Variants in PFDN2 observed in about 807,000 individuals in gnomAD.
The protein encoded by PFDN2 is prefoldin 2.
Under a neutral mutation model 18.3 loss-of-function variants are expected in PFDN2, and 7 were observed. That is an observed-to-expected ratio of 0.38 (90% CI 0.22 to 0.72). The LOEUF (loss-of-function observed/expected upper bound fraction) is 0.72, where lower values mean the gene tolerates loss of function less well. Among genes scored for constraint, PFDN2 ranks in the 30% least tolerant of loss-of-function variants. The pLI, the probability that PFDN2 is intolerant of heterozygous loss-of-function variation, is 0.47. For synonymous variants in PFDN2, 76 were observed against 75.0 expected (o/e 1.01, Z -0.07); for missense variants, 181 against 199.1 (o/e 0.91, Z 0.55).
intron 1 of PFDN2, among the ~76,000 whole-genome samples, chr1:161,107,487 C>T (rs1288642581): frequency 6.6e-6 from 1 of 150,496 alleles, no homozygotes; most frequent in Non-Finnish European, 1.5e-5. Flanking sequence ...AGGTTGTTTC[C>T]AATTTTTCTG....
intron 1 of PFDN2, among the ~76,000 whole-genome samples, chr1:161,109,063 G>GA (rs1654746206): frequency 6.6e-6 from 1 of 152,052 alleles, no homozygotes; most frequent in Admixed American, 6.6e-5. Context: ...GATAAAATCT[G>GA]AACTCCTCAA....
chr1:161,103,050 AATGAGTAACTTT>A (rs1276270067), intron 1 of PFDN2, among the ~76,000 whole-genome samples: 2 of 151,712 alleles, frequency 1.3e-5, no homozygotes, highest in Non-Finnish European at 2.9e-5. Flanking sequence ...AGGGCTTTGT[AATGAGTAACTTT>A]TGTTTGGGTC....
intron 1 of PFDN2, among the ~76,000 whole-genome samples, chr1:161,106,847 C>T (rs1654686880): frequency 6.6e-6 from 1 of 152,144 alleles, no homozygotes; most frequent in African/African-American, 2.4e-5. Context: ...ACTCTGTTCC[C>T]TAGGCTGGGG....
At position 161,117,943 on chromosome 1, in the gene PFDN2, A is replaced by G. The variant is rs1320708278; in HGVS notation, c.75+9T>C. 6 of 1,606,080 alleles carry G rather than the reference A, an allele frequency of 3.7e-6. No homozygotes were observed. The highest frequency in any genetic ancestry group is 5.1e-6 in the Non-Finnish European group (6 of 1,175,994). ...GTGGGTACCCTGCTTCGCGTTAGCC[A>G]CTCCTCACCTGCTCTGCGGACACCG... is the stretch of plus-strand genomic sequence containing the variant. On this transcript the variant is annotated intron_variant, in intron 1 of 3. Transcript: ENST00000368010.
intron 1 of PFDN2, among the ~76,000 whole-genome samples, chr1:161,112,149 A>C (rs951324474): frequency 1.3e-5 from 2 of 152,222 alleles, no homozygotes; most frequent in Non-Finnish European, 2.9e-5. Context: ...AGTATTAATT[A>C]CTTCTTTTCT....
intron 1 of PFDN2, among the ~76,000 whole-genome samples, chr1:161,114,927 T>C (rs966385133): frequency 6.6e-6 from 1 of 152,240 alleles, no homozygotes; most frequent in Non-Finnish European, 1.5e-5. Context: ...ATTGTTTGGT[T>C]TGTCTTTTCT....
chr1:161,102,396 A>C, intron 1 of PFDN2, 21 bp from the exon 2 acceptor site: 1 of 1,592,400 alleles, frequency 6.3e-7, no homozygotes, highest in Non-Finnish European at 8.6e-7. Flanking sequence ...GAGAGAAGAG[A>C]TGAAAGAGGG....
chr1:161,115,736 G>C (rs1316032675), intron 1 of PFDN2, among the ~76,000 whole-genome samples: 1 of 152,152 alleles, frequency 6.6e-6, no homozygotes, highest in Non-Finnish European at 1.5e-5. Flanking sequence ...TGTCATAACT[G>C]TTCTATTAGT....
At chr1:161,115,630 G>A (rs1008332909) in intron 1 of PFDN2, among the ~76,000 whole-genome samples, 1 of 152,160 alleles carries the variant, frequency 6.6e-6, no homozygotes, top group African/African-American at 2.4e-5. Flanking sequence ...CATCAGGAAG[G>A]CAGTTTATCA....
At chr1:161,116,951 T>C (rs910042187) in intron 1 of PFDN2, among the ~76,000 whole-genome samples, 1 of 152,192 alleles carries the variant, frequency 6.6e-6, no homozygotes, top group Non-Finnish European at 1.5e-5. Context: ...AAGACAGCTG[T>C]AGGCCGGGAG....
chr1:161,109,484 G>C (rs938808727), intron 1 of PFDN2, among the ~76,000 whole-genome samples: 15 of 152,134 alleles, frequency 9.9e-5, no homozygotes, highest in African/African-American at 3.6e-4. Flanking sequence ...TTGTAAATAT[G>C]CAAATGCAAC....
At chr1:161,113,398 C>G (rs2101706985) in intron 1 of PFDN2, among the ~76,000 whole-genome samples, 1 of 152,298 alleles carries the variant, frequency 6.6e-6, no homozygotes, top group Non-Finnish European at 1.5e-5. Flanking sequence ...TGACCTTGGG[C>G]AAGTTAACTA....
At chr1:161,104,749 G>A (rs868296764) in intron 1 of PFDN2, among the ~76,000 whole-genome samples, 13 of 152,020 alleles carry the variant, frequency 8.6e-5, no homozygotes, top group Middle Eastern at 3.4e-3. Context: ...GCTCTAGTTC[G>A]CCTTCTGCAA....
At chr1:161,116,097 T>C (rs951931070) in intron 1 of PFDN2, among the ~76,000 whole-genome samples, 2 of 152,166 alleles carry the variant, frequency 1.3e-5, no homozygotes, top group Non-Finnish European at 2.9e-5. Flanking sequence ...TCAAATGGCT[T>C]ATGCCTATAG....
chr1:161,104,570 A>C (rs2101700590), intron 1 of PFDN2, among the ~76,000 whole-genome samples: 1 of 151,552 alleles, frequency 6.6e-6, no homozygotes, highest in East Asian at 1.9e-4. Context: ...TCAACCTCCC[A>C]AACAGCTGGG....
chr1:161,114,407 C>T lies in PFDN2; in HGVS notation c.75+3545G>A, dbSNP rs187913507. On this transcript the variant is annotated intron_variant, in intron 1 of 3. Coordinates refer to ENST00000368010, the MANE Select transcript of PFDN2 (RefSeq NM_012394.4). ...ATCCACCTCAAACATTAAGTCCCAC[C>T]TGCATCCCAAACATGCCAGGCAGTT... Among the ~76,000 whole-genome samples the T allele has an allele frequency of 1.4e-4, 22 of 152,334 alleles. No individual in the cohort carries two copies. In the East Asian group the frequency reaches 4.2e-3, roughly 29 times the overall value.
chr1:161,117,655 G>A (rs565798700), intron 1 of PFDN2, among the ~76,000 whole-genome samples: 2 of 152,164 alleles, frequency 1.3e-5, no homozygotes, highest in Non-Finnish European at 2.9e-5. Context: ...AGGCTGAGGA[G>A]AGATAGAGAA....
chr1:161,113,427 T>C (rs1330829935), intron 1 of PFDN2, among the ~76,000 whole-genome samples: 1 of 152,238 alleles, frequency 6.6e-6, no homozygotes, highest in African/African-American at 2.4e-5. Flanking sequence ...GAAATTAAAA[T>C]GTCCTCACCT....
At position 161,102,368 on chromosome 1, in the gene PFDN2, G is replaced by A. The variant is rs1434957289; in HGVS notation, c.83C>T (p.Ala28Val). ...KGAVSAEQVI[A>V]GFNRLRQEQR... ...TTCCTGCCGAAGGCGGTTGAAGCCA[G>A]CAATCACCTAACAAGGTGAGAGAAG... is the stretch of plus-strand genomic sequence containing the variant. The change falls in exon 2 of 4, where the codon GCT becomes GTT. Residue 28 changes from alanine to valine, a missense_variant. Ala to Val is a moderately conservative substitution (Grantham distance 64, BLOSUM62 0). Coordinates refer to ENST00000368010, the MANE Select transcript of PFDN2 (RefSeq NM_012394.4). 8.1e-6 allele frequency: 13 copies of A among 1,613,598 alleles called. No individual in the cohort carries two copies. The highest frequency in any genetic ancestry group is 1.0e-5 in the Non-Finnish European group (12 of 1,179,514).
Sources: gnomAD v4.1 joint callset for allele counts (sites outside exome capture counted in the v4.1 genomes callset) on GRCh38, gnomAD v4.1.1 for gene constraint, MANE v1.5 for transcripts, NCBI Gene and HGNC (gene_info 2026-07-23, HGNC 2026-07-21) for gene names.